Variants in SCAND3 observed in about 807,000 individuals in gnomAD.
The protein encoded by SCAND3 is SCAN domain-containing protein 3.
At chr6:28,579,400 C>A in the SCAND3 span, 1 of 1,613,612 alleles carries the variant, frequency 6.2e-7, no homozygotes, top group East Asian at 2.2e-5. This position sits in a 1 kb window ranked among gnomAD's most constrained non-coding sequence, Gnocchi z 4.5. Context: ...AACTTCCTGC[C>A]CATATGTGCC....
chr6:28,576,890 G>A, the SCAND3 span, among the ~76,000 whole-genome samples: 4 of 145,658 alleles, frequency 2.7e-5, no homozygotes, highest in Non-Finnish European at 6.0e-5. Context: ...GATTACAGGC[G>A]TGAGCCACCA....
At chr6:28,575,703 G>A in the SCAND3 span, 5 of 1,614,036 alleles carry the variant, frequency 3.1e-6, no homozygotes, top group Non-Finnish European at 4.2e-6. This position sits in a 1 kb window ranked among gnomAD's most constrained non-coding sequence, Gnocchi z 4.2. Context: ...TGATGTTCTT[G>A]TATTTCGCTT....
the SCAND3 span, among the ~76,000 whole-genome samples, chr6:28,602,413 G>A: frequency 2.0e-5 from 3 of 152,144 alleles, no homozygotes; most frequent in African/African-American, 7.2e-5. Context: ...TCACTAGGTT[G>A]GCCAGGCTGG....
At chr6:28,604,285 T>G in the SCAND3 span, among the ~76,000 whole-genome samples, 2 of 152,314 alleles carry the variant, frequency 1.3e-5, no homozygotes, top group African/African-American at 4.8e-5. Flanking sequence ...AGCTTAGGAA[T>G]TCCTTCCCCA....
the SCAND3 span, chr6:28,589,428 G>C: frequency 6.6e-6 from 1 of 152,138 alleles, no homozygotes. Flanking sequence ...CCAGCAATCC[G>C]AGTTCGAATC....
chr6:28,594,184 A>AT, the SCAND3 span: 1 of 152,242 alleles, frequency 6.6e-6, no homozygotes, highest in South Asian at 2.1e-4. Flanking sequence ...TAGTATATAG[A>AT]TATTTCAAAA....
At chr6:28,596,813 A>G in the SCAND3 span, among the ~76,000 whole-genome samples, 1 of 152,224 alleles carries the variant, frequency 6.6e-6, no homozygotes, top group Admixed American at 6.5e-5. Context: ...CCAGCAGACA[A>G]TAATGGTTAA....
the SCAND3 span, among the ~76,000 whole-genome samples, chr6:28,584,608 T>C: frequency 6.6e-6 from 1 of 152,214 alleles, no homozygotes; most frequent in Non-Finnish European, 1.5e-5. Flanking sequence ...GTTTCTAGAG[T>C]ACTTCCAGTC....
the SCAND3 span, chr6:28,572,046 G>A: frequency 1.2e-6 from 2 of 1,614,040 alleles, no homozygotes; most frequent in Non-Finnish European, 1.7e-6. This position sits in a 1 kb window ranked among gnomAD's most constrained non-coding sequence, Gnocchi z 4.1. Context: ...TTAAAGTAGA[G>A]AATCCGGTCT....
At chr6:28,576,238 T>G in the SCAND3 span, 2 of 847,414 alleles carry the variant, frequency 2.4e-6, no homozygotes, top group Non-Finnish European at 3.6e-6. Flanking sequence ...AAGTAGGGAA[T>G]ATGGACACAC....
At chr6:28,602,736 A>G in the SCAND3 span, among the ~76,000 whole-genome samples, 5 of 152,114 alleles carry the variant, frequency 3.3e-5, no homozygotes. Flanking sequence ...CCATTTGATT[A>G]TTGTTGGTGA....
the SCAND3 span, among the ~76,000 whole-genome samples, chr6:28,612,963 C>T: frequency 1.3e-5 from 2 of 152,040 alleles, no homozygotes; most frequent in African/African-American, 4.8e-5. Flanking sequence ...ACAAAGTGTA[C>T]AAAATGGGTT....
At chr6:28,614,174 G>A in the SCAND3 span, among the ~76,000 whole-genome samples, 1 of 151,996 alleles carries the variant, frequency 6.6e-6, no homozygotes, top group Non-Finnish European at 1.5e-5. Context: ...TGTTGACCAT[G>A]GCTGGTTTCA....
the SCAND3 span, among the ~76,000 whole-genome samples, chr6:28,604,231 C>T: frequency 7.8e-4 from 119 of 152,198 alleles, no homozygotes; most frequent in African/African-American, 2.7e-3. Context: ...ATGTTCTTAA[C>T]TATTTTTGTT....
chr6:28,609,961 C>A, the SCAND3 span, among the ~76,000 whole-genome samples: 72 of 152,312 alleles, frequency 4.7e-4, no homozygotes, highest in East Asian at 0.014. Flanking sequence ...CAAGTTGGCA[C>A]ATGCCTGGAA....
chr6:28,572,578 T>A, the SCAND3 span: 1 of 1,614,052 alleles, frequency 6.2e-7, no homozygotes, highest in Non-Finnish European at 8.5e-7. The surrounding 1 kb of genome is among the most constrained non-coding windows in gnomAD (Gnocchi z 4.1). Context: ...ATCAGACAAA[T>A]AAGCAAGTCT....
chr6:28,591,867 G>A, the SCAND3 span: 6 of 152,136 alleles, frequency 3.9e-5, no homozygotes, highest in Non-Finnish European at 7.4e-5. Context: ...ATCAGCTGCC[G>A]AGAGAAGATG....
the SCAND3 span, chr6:28,587,290 C>T: frequency 6.5e-6 from 1 of 152,688 alleles, no homozygotes; most frequent in African/African-American, 2.4e-5. Context: ...CAGACACACC[C>T]GCAGCTGTGC....
the SCAND3 span, among the ~76,000 whole-genome samples, chr6:28,589,075 G>A: frequency 1.3e-5 from 2 of 152,264 alleles, no homozygotes; most frequent in Admixed American, 1.3e-4. Flanking sequence ...ATTTTATGTT[G>A]ATAACAGCTG....
Sources: allele counts gnomAD v4.1 joint callset (sites outside exome capture counted in the v4.1 genomes callset), GRCh38; gene constraint gnomAD v4.1.1; non-coding constraint Gnocchi (gnomAD v3.1); transcripts MANE v1.5; gene names NCBI Gene and HGNC (gene_info 2026-07-23, HGNC 2026-07-21).